The following NKAIN2 variants were observed in gnomAD, a reference collection of about 807,000 sequenced individuals.
The protein encoded by NKAIN2 is sodium/potassium transporting ATPase interacting 2, also known as sodium/potassium-transporting ATPase subunit beta-1-interacting protein 2.
Under a neutral mutation model 32.6 loss-of-function variants are expected in NKAIN2, and 14 were observed. The ratio of observed to expected loss-of-function variants is 0.43; its 90% CI spans 0.28 to 0.67. The LOEUF is 0.67. Among genes scored for constraint, NKAIN2 ranks in the 30% least tolerant of loss-of-function variants. The pLI, the probability that NKAIN2 is intolerant of heterozygous loss-of-function variation, is 0.17. For missense variants in NKAIN2, 198 were observed against 258.3 expected, an observed-to-expected ratio of 0.77 and a Z score of 1.60; for synonymous variants, 80 against 87.2, an observed-to-expected ratio of 0.92 and a Z score of 0.46.
intron 5 of NKAIN2, among the ~76,000 whole-genome samples, chr6:124,792,599 G>A (rs1417814643): frequency 2.0e-5 from 3 of 152,124 alleles, no homozygotes; most frequent in Non-Finnish European, 4.4e-5. Context: ...GAGCAAATAA[G>A]TATGAAACTG....
At chr6:124,400,142 GT>G (rs1484077981) in intron 3 of NKAIN2, among the ~76,000 whole-genome samples, 1 of 152,124 alleles carries the variant, frequency 6.6e-6, no homozygotes, top group East Asian at 1.9e-4. Context: ...CAGGTCAGTG[GT>G]TCTCAAATCT....
chr6:124,502,375 T>C (rs1778325331), intron 3 of NKAIN2, among the ~76,000 whole-genome samples: 1 of 152,194 alleles, frequency 6.6e-6, no homozygotes, highest in South Asian at 2.1e-4. Context: ...AACAAAAGGA[T>C]GTACAGTGAA....
intron 1 of NKAIN2, among the ~76,000 whole-genome samples, chr6:123,859,156 A>G (rs1378760690): frequency 6.6e-6 from 1 of 152,114 alleles, no homozygotes; most frequent in African/African-American, 2.4e-5. Context: ...TTTTGGAATG[A>G]CATAAGAAAT....
chr6:124,462,556 A>G (rs1200130080), intron 3 of NKAIN2, among the ~76,000 whole-genome samples: 6 of 152,048 alleles, frequency 3.9e-5, no homozygotes, highest in Admixed American at 3.9e-4. Flanking sequence ...CAGATATACA[A>G]TAGGTAATGC....
Position 124,725,552 on chromosome 6 carries a change from T to G in NKAIN2, c.475-65787T>G, listed in dbSNP as rs187244671. ...CCCATGAATATCATATGCCAAGTTG[T>G]TTGTCCTTTATTACCCAAACTTGGC... On this transcript the variant is annotated intron_variant, in intron 4 of 6. Coordinates refer to ENST00000368417, the MANE Select transcript of NKAIN2 (RefSeq NM_001040214.3). 4.5e-3 allele frequency among the ~76,000 whole-genome samples: 684 copies of G among 152,322 alleles called. 3 individuals are homozygous for G. The highest frequency in any genetic ancestry group is 0.013 in the South Asian group (65 of 4,830).
In NKAIN2 at chr6:124,658,395, T is replaced by C; in HGVS notation, c.474+9T>C. ...TCCAGATTGTCCTCGCAGTAAGTGT[T>C]GGCAGCCAACCGCTCCTTCTAGTGC... is the stretch of plus-strand genomic sequence containing the variant. On this transcript the variant is annotated intron_variant, in intron 4 of 6. Transcript: ENST00000368417. 6.2e-7 allele frequency: 1 copy of C among 1,614,118 alleles called. No homozygotes were observed. The highest frequency in any genetic ancestry group is 1.7e-5 in the Admixed American group (1 of 60,010).
intron 1 of NKAIN2, among the ~76,000 whole-genome samples, chr6:124,260,784 A>G (rs542637310): frequency 1.5e-4 from 23 of 152,340 alleles, no homozygotes; most frequent in Non-Finnish European, 3.1e-4. Context: ...AGTCTCTAAT[A>G]TATGAGCTAT....
At chr6:124,350,353 A>G (rs185904727) in intron 2 of NKAIN2, among the ~76,000 whole-genome samples, 37 of 152,344 alleles carry the variant, frequency 2.4e-4, no homozygotes, top group African/African-American at 8.2e-4. Flanking sequence ...TGTTTAGGCA[A>G]CTAGGCAAAA....
At chr6:124,540,626 G>A (rs545500150) in intron 3 of NKAIN2, among the ~76,000 whole-genome samples, 1 of 152,160 alleles carries the variant, frequency 6.6e-6, no homozygotes, top group Non-Finnish European at 1.5e-5. Context: ...ACAGGTCTGC[G>A]AAACTGGGAT....
At chr6:124,132,867 C>T (rs163288) in intron 1 of NKAIN2, among the ~76,000 whole-genome samples, 95,855 of 152,082 alleles carry the variant, frequency 0.63, 30,426 homozygotes, top group East Asian at 0.72. Flanking sequence ...ATAATCACTA[C>T]AGTCTGGCTC....
At chr6:124,225,771 C>T (rs1423349174) in intron 1 of NKAIN2, among the ~76,000 whole-genome samples, 2 of 151,832 alleles carry the variant, frequency 1.3e-5, no homozygotes, top group African/African-American at 4.8e-5. Context: ...TTTTCCATTT[C>T]AGTTGAAGAA....
At chr6:124,362,519 GA>G (rs748951095) in intron 3 of NKAIN2, among the ~76,000 whole-genome samples, 6 of 152,016 alleles carry the variant, frequency 3.9e-5, no homozygotes, top group Non-Finnish European at 8.8e-5. Flanking sequence ...AACAGTTCAT[GA>G]ACCTTTCTTA....
chr6:124,486,942 G>T (rs979109484), intron 3 of NKAIN2, among the ~76,000 whole-genome samples: 3 of 152,038 alleles, frequency 2.0e-5, no homozygotes, highest in Admixed American at 2.0e-4. Flanking sequence ...TTTTATCAAG[G>T]TGATAAGTCT....
intron 3 of NKAIN2, among the ~76,000 whole-genome samples, chr6:124,601,789 G>T (rs1455149087): frequency 2.0e-5 from 3 of 152,002 alleles, no homozygotes; most frequent in Non-Finnish European, 2.9e-5. Context: ...TTCCTGGGTT[G>T]TAGAATTTAC....
chr6:124,601,872 A>C (rs1214953282), intron 3 of NKAIN2, among the ~76,000 whole-genome samples: 1 of 152,008 alleles, frequency 6.6e-6, no homozygotes, highest in Admixed American at 6.6e-5. Context: ...TTTGTGGGCT[A>C]TATAGCAAAC....
chr6:124,532,168 G>T (rs1033197057), intron 3 of NKAIN2, among the ~76,000 whole-genome samples: 1 of 152,196 alleles, frequency 6.6e-6, no homozygotes, highest in African/African-American at 2.4e-5. Flanking sequence ...GGAAGAAGGT[G>T]CAGGGAGTGC....
At chr6:124,555,796 A>G (rs1780452983) in intron 3 of NKAIN2, among the ~76,000 whole-genome samples, 1 of 152,204 alleles carries the variant, frequency 6.6e-6, no homozygotes, top group Non-Finnish European at 1.5e-5. Context: ...TCCAGATTAT[A>G]TGGACAAATA....
chr6:124,425,931 G>A (rs1404107745), intron 3 of NKAIN2, among the ~76,000 whole-genome samples: 1 of 151,898 alleles, frequency 6.6e-6, no homozygotes, highest in Non-Finnish European at 1.5e-5. Context: ...ATTTACATAT[G>A]CATACTCGTT....
At chr6:124,663,991 G>T (rs1266580047) in intron 4 of NKAIN2, among the ~76,000 whole-genome samples, 1 of 152,060 alleles carries the variant, frequency 6.6e-6, no homozygotes, top group East Asian at 1.9e-4. Flanking sequence ...TCTCATTCTA[G>T]TGCTAATGCT....
Sources: allele counts gnomAD v4.1 joint callset (sites outside exome capture counted in the v4.1 genomes callset), GRCh38; gene constraint gnomAD v4.1.1; transcripts MANE v1.5; gene names NCBI Gene and HGNC (gene_info 2026-07-23, HGNC 2026-07-21).